The following RAB3C variants were observed in gnomAD, a reference collection of about 807,000 sequenced individuals.
The protein encoded by RAB3C is RAB3C, member RAS oncogene family.
Under a neutral mutation model 26.4 loss-of-function variants are expected in RAB3C, and 17 were observed. The observed-to-expected ratio is 0.64, with a 90% CI of 0.44 to 0.97. RAB3C has a LOEUF of 0.97. Among genes scored for constraint, RAB3C ranks in the 50% least tolerant of loss-of-function variants. The pLI, the probability that RAB3C is intolerant of heterozygous loss-of-function variation, is 0.00. For synonymous variants in RAB3C, 91 were observed against 95.9 expected (o/e 0.95, Z 0.30); for missense variants, 242 against 281.9 (o/e 0.86, Z 1.01).
chr5:58,659,228 A>G (rs1006414954), intron 2 of RAB3C, among the ~76,000 whole-genome samples: 6 of 152,228 alleles, frequency 3.9e-5, no homozygotes, highest in Non-Finnish European at 5.9e-5. Context: ...ATATATATAT[A>G]CACATGCACA....
At chr5:58,635,614 GT>G (rs1415764173) in intron 2 of RAB3C, among the ~76,000 whole-genome samples, 2 of 152,152 alleles carry the variant, frequency 1.3e-5, no homozygotes, top group Non-Finnish European at 2.9e-5. Flanking sequence ...GCAGGTGCCT[GT>G]CAGGACCAGG....
chr5:58,770,186 G>A (rs1213490744), intron 3 of RAB3C, among the ~76,000 whole-genome samples: 1 of 152,164 alleles, frequency 6.6e-6, no homozygotes, highest in Admixed American at 6.5e-5. Flanking sequence ...TGATGTTGCA[G>A]TACAGCAGGT....
intron 2 of RAB3C, among the ~76,000 whole-genome samples, chr5:58,671,103 C>T (rs868393884): frequency 3.9e-5 from 6 of 152,216 alleles, no homozygotes; most frequent in Non-Finnish European, 8.8e-5. Flanking sequence ...TCTTCCTGAT[C>T]TTCCTAATGA....
At position 58,659,224 on chromosome 5, in the gene RAB3C, A is replaced by G. The variant is rs144074348; in HGVS notation, c.252+41354A>G. 1.1e-3 allele frequency among the ~76,000 whole-genome samples: 166 copies of G among 152,366 alleles called. 1 individual carries two copies. The highest frequency in any genetic ancestry group is 3.7e-3 in the African/African-American group (153 of 41,588). On this transcript the variant is annotated intron_variant, in intron 2 of 4. Transcript: ENST00000282878. The stretch of plus-strand genomic sequence containing the variant: ...TGTGCAGATATGTAGGTATATATAT[A>G]TATACACATGCACATATATAAATTA...
At chr5:58,751,117 G>A (rs1741514419) in intron 3 of RAB3C, among the ~76,000 whole-genome samples, 1 of 152,162 alleles carries the variant, frequency 6.6e-6, no homozygotes, top group South Asian at 2.1e-4. Flanking sequence ...GCCTCCCAAA[G>A]TGCTGGGATT....
intron 2 of RAB3C, among the ~76,000 whole-genome samples, chr5:58,658,503 C>A (rs1747829416): frequency 6.6e-6 from 1 of 152,142 alleles, no homozygotes; most frequent in South Asian, 2.1e-4. Context: ...GATTTAGCAG[C>A]CTACTGGAAA....
At chr5:58,771,302 C>A (rs745408169) in intron 3 of RAB3C, among the ~76,000 whole-genome samples, 6 of 151,784 alleles carry the variant, frequency 4.0e-5, no homozygotes, top group Non-Finnish European at 5.9e-5. Flanking sequence ...TGTAAGAAGT[C>A]CTGCTTTAAA....
intron 3 of RAB3C, among the ~76,000 whole-genome samples, chr5:58,744,563 C>A (rs1741353000): frequency 6.6e-6 from 1 of 152,206 alleles, no homozygotes; most frequent in African/African-American, 2.4e-5. Context: ...ATGTGCCCCA[C>A]TGCTGGCTTC....
intron 3 of RAB3C, among the ~76,000 whole-genome samples, chr5:58,750,063 G>A (rs1315527255): frequency 2.6e-5 from 4 of 151,956 alleles, no homozygotes; most frequent in African/African-American, 9.7e-5. Flanking sequence ...TAAATGTATA[G>A]TATATTTGTT....
chr5:58,645,661 A>G (rs1206046119), intron 2 of RAB3C, among the ~76,000 whole-genome samples: 3 of 152,218 alleles, frequency 2.0e-5, no homozygotes, highest in Non-Finnish European at 4.4e-5. Context: ...GAAAGACTGG[A>G]AGTAACTAAG....
At chr5:58,761,425 G>A (rs1438991715) in intron 3 of RAB3C, among the ~76,000 whole-genome samples, 1 of 151,472 alleles carries the variant, frequency 6.6e-6, no homozygotes, top group Non-Finnish European at 1.5e-5. Context: ...ATTTAATTTG[G>A]GGGTAACAAA....
In RAB3C at chr5:58,859,217, T is replaced by A. The variant is rs182371791; in HGVS notation, c.*7866T>A. The A allele has an allele frequency of 2.7e-4, 41 of 152,350 alleles. 1 individual carries two copies. The highest frequency in any genetic ancestry group is 9.6e-4 in the African/African-American group (40 of 41,590). The allele number at this position is 152,350 out of a possible 1,614,324, so 9.4% of individuals were successfully genotyped here. A position where few individuals can be genotyped will look rare whatever the true frequency, so the allele number is the denominator to read the frequency against. On this transcript the variant is annotated 3_prime_UTR_variant, in exon 5 of 5. Coordinates refer to ENST00000282878, the MANE Select transcript of RAB3C (RefSeq NM_138453.4). ...CTTGTGTGGGTTTAAAGCTATGAAG[T>A]GTATTCACATTGTGAAGTTTTAATT...
chr5:58,655,672 C>A (rs1490279644), intron 2 of RAB3C, among the ~76,000 whole-genome samples: 1 of 151,678 alleles, frequency 6.6e-6, no homozygotes, highest in Non-Finnish European at 1.5e-5. Flanking sequence ...GTAAATATAA[C>A]CCAAAATATT....
intron 3 of RAB3C, among the ~76,000 whole-genome samples, chr5:58,756,321 A>ATATATATATATATAACATATATATGT (rs1392584208): frequency 1.2e-3 from 174 of 142,758 alleles, no homozygotes; most frequent in Non-Finnish European, 2.1e-3. Flanking sequence ...CAGTAGTTAT[A>ATATATATATATATAACATATATATGT]TATATATATA....
rs1406041571 is a variant in RAB3C at position 58,797,368 on chromosome 5, A to AATATAT, written c.372-27646_372-27641dup. On this transcript the variant is annotated intron_variant, in intron 3 of 4. Coordinates refer to ENST00000282878, the MANE Select transcript of RAB3C (RefSeq NM_138453.4). ...AAAAAAAAAAAATATGTATATATAT[A>AATATAT]ATATATATATATATATATATATATA... is the stretch of plus-strand genomic sequence containing the variant. Among the ~76,000 whole-genome samples, 25 of 22,806 alleles carry AATATAT rather than the reference A, an allele frequency of 1.1e-3. No individual in the cohort carries two copies. In the East Asian group the frequency reaches 0.012, roughly 11 times the overall value. 15.0% of individuals were successfully genotyped at this position (22,806 alleles called of 152,430 possible).
chr5:58,628,439 G>A (rs897447537), intron 2 of RAB3C, among the ~76,000 whole-genome samples: 1 of 152,152 alleles, frequency 6.6e-6, no homozygotes, highest in African/African-American at 2.4e-5. Flanking sequence ...AGAAAGAGCA[G>A]TTAGGAAAGA....
chr5:58,726,954 G>A (rs971647421), intron 3 of RAB3C, among the ~76,000 whole-genome samples: 4 of 151,946 alleles, frequency 2.6e-5, no homozygotes, highest in Non-Finnish European at 1.5e-5. Flanking sequence ...CGAGAATCTA[G>A]GTAGGGCTTT....
intron 2 of RAB3C, among the ~76,000 whole-genome samples, chr5:58,701,877 C>T (rs1404400304): frequency 6.6e-6 from 1 of 152,158 alleles, no homozygotes; most frequent in Admixed American, 6.5e-5. Context: ...ATAATCCCCT[C>T]ATTGTGAGAT....
At chr5:58,772,546 A>G (rs992267708) in intron 3 of RAB3C, among the ~76,000 whole-genome samples, 8 of 152,182 alleles carry the variant, frequency 5.3e-5, no homozygotes, top group African/African-American at 1.7e-4. Flanking sequence ...AAGTCCCTGG[A>G]GAATGTTCTC....
Sources: gnomAD v4.1 joint callset for allele counts (sites outside exome capture counted in the v4.1 genomes callset) on GRCh38, gnomAD v4.1.1 for gene constraint, MANE v1.5 for transcripts, NCBI Gene and HGNC (gene_info 2026-07-23, HGNC 2026-07-21) for gene names.